The following INPPL1 variants were observed in gnomAD, a reference collection of about 807,000 sequenced individuals.
The protein encoded by INPPL1 is phosphatidylinositol 3,4,5-trisphosphate 5-phosphatase 2.
A neutral mutation model predicts 139.3 loss-of-function variants in INPPL1; 91 were observed. That is an observed-to-expected ratio of 0.65 (90% CI 0.55 to 0.78). The LOEUF is 0.78. Ranked by LOEUF, INPPL1 falls within the 30% of genes least tolerant of loss-of-function variation. The pLI is 0.00. For missense variants in INPPL1, 1,411 were observed against 1,665.6 expected (o/e 0.85, Z 2.66); for synonymous variants, 719 against 686.6 (o/e 1.05, Z -0.74).
Position 72,228,532 on chromosome 11 carries a change from CT to C in INPPL1, c.397+35del. ...CAGTGTGCAGGTCCCCTCCCTGCCC[CT>C]GTCCCTTGGCTCTACCTGCCTCTTC... On this transcript the variant is annotated intron_variant, in intron 3 of 27. Transcript: ENST00000298229. The surrounding 1 kb of genome is among the most constrained non-coding windows in gnomAD (Gnocchi z 5.0). The C allele has an allele frequency of 1.3e-6, 2 of 1,598,672 alleles. No homozygotes were observed. Among genetic ancestry groups the C allele is most frequent in the South Asian group, 1.1e-5 (1 of 90,898 alleles).
chr11:72,236,598 G>A (rs947881193), intron 25 of INPPL1, among the ~76,000 whole-genome samples: 1 of 152,172 alleles, frequency 6.6e-6, no homozygotes, highest in Non-Finnish European at 1.5e-5. Flanking sequence ...GGGAAAGTGA[G>A]GCTTGCTTTC....
In INPPL1 at chr11:72,235,108, C is replaced by T. The variant is rs1948948010; in HGVS notation, c.2416-8C>T. 6.2e-7 allele frequency: 1 copy of T among 1,612,886 alleles called. No homozygotes were observed. The highest frequency in any genetic ancestry group is 1.3e-5 in the African/African-American group (1 of 74,836). On this transcript the variant is annotated splice_region_variant and splice_polypyrimidine_tract_variant and intron_variant, in intron 21 of 27. Transcript: ENST00000298229. This position sits in a 1 kb window ranked among gnomAD's most constrained non-coding sequence, Gnocchi z 4.9. ...CTTTGTTCCTCACTGGGCCTCCCTG[C>T]TTCCCAGCTCAAACCAATTCTGGCT...
At chr11:72,230,699 C>A in intron 10 of INPPL1, 97 bp from the exon 11 acceptor site, 2 of 1,025,506 alleles carry the variant, frequency 2.0e-6, no homozygotes, top group South Asian at 1.5e-5. Context: ...CCAGACAGAC[C>A]CTCTCCTCAT....
chr11:72,230,828 C>T lies in INPPL1; in HGVS notation c.1230C>T (p.Leu410=), dbSNP rs1948812537. The T allele has an allele frequency of 1.9e-6, 3 of 1,613,996 alleles. No homozygotes were observed. Among genetic ancestry groups the T allele is most frequent in the African/African-American group, 2.7e-5 (2 of 75,008 alleles). Reference sequence around the variant, plus strand: ...AGGCCTTCTGCCAGCTGTTGCAGCTCATGAAGAACAAGCACTCCAAGCAGG... The same window carrying T: ...AGGCCTTCTGCCAGCTGTTGCAGCTTATGAAGAACAAGCACTCCAAGCAGG... ...KREAFCQLLQ[L]MKNKHSKQDE... The change falls in exon 11 of 28, where the codon CTC becomes CTT. Residue 410 remains leucine (L), a synonymous_variant. Coordinates refer to ENST00000298229, the MANE Select transcript of INPPL1 (RefSeq NM_001567.4).
chr11:72,229,763 C>A lies in INPPL1; in HGVS notation c.843+11C>A. 1 of 1,611,870 alleles carries A rather than the reference C, an allele frequency of 6.2e-7. No individual in the cohort carries two copies. The highest frequency in any genetic ancestry group is 1.1e-5 in the South Asian group (1 of 91,042). ...GGCATCCAGAAGAAGGTGGCATGAT[C>A]TCTGACCCTTGACCCCCGATTCACT... is the stretch of plus-strand genomic sequence containing the variant. On this transcript the variant is annotated intron_variant, in intron 7 of 27. Transcript: ENST00000298229.
upstream of INPPL1, among the ~76,000 whole-genome samples, chr11:72,224,175 C>A (rs531502729): frequency 6.6e-6 from 1 of 152,146 alleles, no homozygotes; most frequent in South Asian, 2.1e-4. Flanking sequence ...CGTCTGGGCC[C>A]CCCGCCAGAG....
At chr11:72,226,051 CTTTA>C (rs1948662559) in intron 1 of INPPL1, among the ~76,000 whole-genome samples, 1 of 151,950 alleles carries the variant, frequency 6.6e-6, no homozygotes, top group African/African-American at 2.4e-5. Flanking sequence ...TTATTTAGAT[CTTTA>C]TTTAGATCTT....
At chr11:72,230,729 G>A (rs1948808645) in intron 10 of INPPL1, 67 bp from the exon 11 acceptor site, 2 of 1,343,110 alleles carry the variant, frequency 1.5e-6, no homozygotes, top group African/African-American at 2.9e-5. Flanking sequence ...CCAACTGGCA[G>A]GGTATCCCTG....
intron 13 of INPPL1, 144 bp from the exon 14 acceptor site, chr11:72,232,096 G>T: frequency 1.5e-6 from 1 of 673,638 alleles, no homozygotes; most frequent in Non-Finnish European, 2.6e-6. Flanking sequence ...GGGAAGGTGT[G>T]GGTGTGTGCA....
rs781646039 is a variant in INPPL1, at chr11:72,237,699, T to C, written c.3455T>C (p.Leu1152Pro). Residue 1152 changes from leucine (L) to proline (P), a missense_variant, in exon 26 of 28, where the codon CTG (leucine) becomes CCG (proline). This residue lies in a region of INPPL1 where 438 missense variants were observed against 425.7 expected (regional missense o/e 1.03). Coordinates refer to ENST00000298229, the MANE Select transcript of INPPL1 (RefSeq NM_001567.4). The part of the protein sequence containing the change: ...RSALLPGPLE[L>P]QPPRGLPSDY... Reference sequence around the variant, plus strand: ...GCGCTCCTCCCAGGCCCCCTGGAGCTGCAGCCCCCCCGGGGACTGCCCTCG... The same window carrying C: ...GCGCTCCTCCCAGGCCCCCTGGAGCCGCAGCCCCCCCGGGGACTGCCCTCG... 1 of 1,611,874 alleles carries C rather than the reference T, an allele frequency of 6.2e-7. No individual in the cohort carries two copies. Among genetic ancestry groups the C allele is most frequent in the Non-Finnish European group, 8.5e-7 (1 of 1,179,450 alleles).
Position 72,238,353 on chromosome 11 carries a change from A to G in INPPL1, c.3777A>G (p.Ter1259TrpextTer1), listed in dbSNP as rs771888044. The G allele has an allele frequency of 1.2e-5, 18 of 1,541,048 alleles. 1 individual carries two copies. The South Asian group carries it at 2.3e-4, about 19-fold the overall frequency. ...TGGACACCCTGCAGCTCAGCAAGTGATAGCGGAGGCACCACGAAGCTGTGA... is the reference window on the plus strand; with the variant it reads ...TGGACACCCTGCAGCTCAGCAAGTGGTAGCGGAGGCACCACGAAGCTGTGA... ...LLLDTLQLSK* is the reference protein window; with the variant it reads ...LLLDTLQLSKW The change falls in exon 28 of 28, where the codon TGA (stop) becomes TGG (tryptophan). Residue 1259 changes from the stop codon to tryptophan (W), a stop_lost. Coordinates refer to ENST00000298229, the MANE Select transcript of INPPL1 (RefSeq NM_001567.4).
In INPPL1 at chr11:72,229,852, G is replaced by A. The variant is rs1029931638; in HGVS notation, c.844-72G>A. The A allele has an allele frequency of 3.2e-6, 5 of 1,564,588 alleles. No individual in the cohort carries two copies. The Admixed American group carries it at 8.5e-5, about 27-fold the overall frequency. On this transcript the variant is annotated intron_variant, in intron 7 of 27. Coordinates refer to ENST00000298229, the MANE Select transcript of INPPL1 (RefSeq NM_001567.4). ...GTCTACAACTTAACATTGGCCCCAAGGTCAATTGTGTCCCTCCCTGCCCCA... is the reference window on the plus strand; with the variant it reads ...GTCTACAACTTAACATTGGCCCCAAAGTCAATTGTGTCCCTCCCTGCCCCA...
chr11:72,237,643 G>A lies in INPPL1; in HGVS notation c.3399G>A (p.Val1133=), dbSNP rs1591288441. Residue 1133 remains valine, a synonymous_variant, in exon 26 of 28, where the codon GTG becomes GTA. Transcript: ENST00000298229. ...AGATGGCCAAGACGCTGAGCGAGGT[G>A]GACTATGCCCCTGCTGGGCCTGCAC... The part of the protein sequence containing the change: ...VLQMAKTLSE[V]DYAPAGPARS... 1.4e-5 allele frequency: 23 copies of A among 1,610,792 alleles called. No homozygotes were observed. Among genetic ancestry groups the A allele is most frequent in the East Asian group, 2.2e-5 (1 of 44,810 alleles).
At chr11:72,230,083 C>T (rs1256319978) in intron 8 of INPPL1, 38 bp from the exon 9 acceptor site, 1 of 1,612,860 alleles carries the variant, frequency 6.2e-7, no homozygotes, top group East Asian at 2.2e-5. Context: ...GCTGCCTACT[C>T]CAAGGTCTTG....
intron 1 of INPPL1, 32 bp downstream of exon 1, chr11:72,225,198 C>T: frequency 2.1e-6 from 2 of 947,038 alleles, no homozygotes; most frequent in Non-Finnish European, 2.7e-6. Flanking sequence ...TGCGGGCTGG[C>T]GTGGACCGGG....
At chr11:72,225,225 G>T in intron 1 of INPPL1, 59 bp downstream of exon 1, 1 of 1,226,384 alleles carries the variant, frequency 8.2e-7, no homozygotes, top group Non-Finnish European at 1.0e-6. Flanking sequence ...GGCACGGCCG[G>T]GTGTGGAAAG....
chr11:72,231,676 C>T (rs940855153), intron 13 of INPPL1, 61 bp downstream of exon 13: 1 of 1,200,698 alleles, frequency 8.3e-7, no homozygotes, highest in Admixed American at 1.7e-5. Flanking sequence ...GCTTCTGCTT[C>T]CTCTCAAGCC....
In INPPL1 at chr11:72,228,972, C is replaced by G; in HGVS notation, c.519-118C>G. ...CCCCCACCCCACCTCAGCCCAGAGGCAGATAACCTGATCCATCCCGCCCTG... is the reference window on the plus strand; with the variant it reads ...CCCCCACCCCACCTCAGCCCAGAGGGAGATAACCTGATCCATCCCGCCCTG... On this transcript the variant is annotated intron_variant, in intron 4 of 27. Coordinates refer to ENST00000298229, the MANE Select transcript of INPPL1 (RefSeq NM_001567.4). The surrounding 1 kb of genome is among the most constrained non-coding windows in gnomAD (Gnocchi z 5.0). The G allele has an allele frequency of 6.6e-7, 1 of 1,522,416 alleles. No homozygotes were observed. The highest frequency in any genetic ancestry group is 1.3e-5 in the South Asian group (1 of 77,236). 94.3% of individuals were successfully genotyped at this position (1,522,416 alleles called of 1,614,324 possible). A position where few individuals can be genotyped will look rare whatever the true frequency, so the allele number is the denominator to read the frequency against.
rs536091572 is a variant in INPPL1, at chr11:72,228,120, G to A, written c.183-70G>A. 15 of 1,548,428 alleles carry A rather than the reference G, an allele frequency of 9.7e-6. No homozygotes were observed. Among genetic ancestry groups the A allele is most frequent in the Non-Finnish European group, 3.6e-6 (4 of 1,120,802 alleles). Reference sequence around the variant, plus strand: ...GTTGGGGTGCTGAGCTTGCTGGCAGGAGGAAGGGGTGCTTTGGGTCTTAGA... The same window carrying A: ...GTTGGGGTGCTGAGCTTGCTGGCAGAAGGAAGGGGTGCTTTGGGTCTTAGA... On this transcript the variant is annotated intron_variant, in intron 1 of 27. Coordinates refer to ENST00000298229, the MANE Select transcript of INPPL1 (RefSeq NM_001567.4). The surrounding 1 kb of genome is among the most constrained non-coding windows in gnomAD (Gnocchi z 5.0).
Sources: allele counts gnomAD v4.1 joint callset (sites outside exome capture counted in the v4.1 genomes callset), GRCh38; gene constraint gnomAD v4.1.1; regional missense constraint gnomAD v4.1.1; non-coding constraint Gnocchi (gnomAD v3.1); transcripts MANE v1.5; gene names NCBI Gene and HGNC (gene_info 2026-07-23, HGNC 2026-07-21).